FSTL5: variants seen among roughly 807,000 people sequenced by gnomAD.
FSTL5 encodes the protein follistatin like 5.
Under a neutral mutation model 89.1 loss-of-function variants are expected in FSTL5, and 62 were observed. The observed-to-expected ratio is 0.70, with a 90% confidence interval of 0.57 to 0.86. The LOEUF (loss-of-function observed/expected upper bound fraction) is 0.86, where lower values mean the gene tolerates loss of function less well. FSTL5 is among the 40% of genes least tolerant of loss of function. FSTL5 has a pLI of 0.00. For synonymous variants in FSTL5, 383 were observed against 346.2 expected, an observed-to-expected ratio of 1.11 and a Z score of -1.18; for missense variants, 1,057 against 1,001.6, an observed-to-expected ratio of 1.06 and a Z score of -0.75.
At position 161,538,395 on chromosome 4, in the gene FSTL5, C is replaced by T. The variant is rs539267712; in HGVS notation, c.1178-95G>A. ...CAGTCAAACAGTTCTCTTGGCTTGT[C>T]CTAATTAAACTGTTTCCCTTCCTAC... On this transcript the variant is annotated intron_variant, in intron 9 of 15. Coordinates refer to ENST00000306100, the MANE Select transcript of FSTL5 (RefSeq NM_020116.5). The T allele has an allele frequency of 1.2e-5, 16 of 1,328,402 alleles. No homozygotes were observed. The African/African-American group carries it at 2.0e-4, about 17-fold the overall frequency. 82.3% of individuals were successfully genotyped at this position (1,328,402 alleles called of 1,614,324 possible).
chr4:161,457,395 T>C (rs939379836), intron 14 of FSTL5, among the ~76,000 whole-genome samples: 5 of 152,204 alleles, frequency 3.3e-5, no homozygotes, highest in Non-Finnish European at 7.3e-5. Flanking sequence ...GCACAAAATA[T>C]GTTTTATTAG....
At chr4:161,718,502 C>T (rs1739079100) in intron 6 of FSTL5, among the ~76,000 whole-genome samples, 1 of 151,902 alleles carries the variant, frequency 6.6e-6, no homozygotes, top group Non-Finnish European at 1.5e-5. Flanking sequence ...GATCTCAGCT[C>T]ACTGCAACCT....
intron 3 of FSTL5, among the ~76,000 whole-genome samples, chr4:162,000,610 AC>A (rs1452363977): frequency 1.3e-5 from 2 of 151,632 alleles, no homozygotes; most frequent in Non-Finnish European, 2.9e-5. Flanking sequence ...AAAAAAAAAA[AC>A]AAAAACAACA....
At chr4:161,617,601 A>G (rs2126641935) in intron 7 of FSTL5, among the ~76,000 whole-genome samples, 1 of 152,326 alleles carries the variant, frequency 6.6e-6, no homozygotes, top group East Asian at 1.9e-4. Flanking sequence ...AAGGATGAAG[A>G]GAAAATATTT....
chr4:161,653,205 G>T (rs1011802941), intron 7 of FSTL5, among the ~76,000 whole-genome samples: 1 of 152,128 alleles, frequency 6.6e-6, no homozygotes, highest in South Asian at 2.1e-4. Flanking sequence ...CACGCCTGGG[G>T]TCTAAAATGC....
intron 6 of FSTL5, 88 bp downstream of exon 6, chr4:161,759,323 G>A: frequency 8.2e-7 from 1 of 1,220,304 alleles, no homozygotes; most frequent in Non-Finnish European, 1.1e-6. Flanking sequence ...GAAACAGCTT[G>A]TACTATGAGA....
chr4:162,031,864 G>A (rs1324826768), intron 3 of FSTL5, among the ~76,000 whole-genome samples: 1 of 152,124 alleles, frequency 6.6e-6, no homozygotes, highest in East Asian at 1.9e-4. Context: ...CTTGAACCCA[G>A]GAGGCAGAGG....
intron 6 of FSTL5, among the ~76,000 whole-genome samples, chr4:161,726,775 C>CAT (rs1273321924): frequency 2.0e-5 from 3 of 151,692 alleles, no homozygotes; most frequent in South Asian, 2.1e-4. Context: ...TAACTATATA[C>CAT]ATATATATAT....
intron 8 of FSTL5, among the ~76,000 whole-genome samples, chr4:161,549,869 T>A (rs1306211793): frequency 2.0e-5 from 3 of 151,970 alleles, no homozygotes; most frequent in African/African-American, 7.2e-5. Context: ...ACCACTCTTA[T>A]TTTTTAGTGT....
chr4:161,418,636 CTT>C (rs1268381435), intron 15 of FSTL5, among the ~76,000 whole-genome samples: 3 of 152,042 alleles, frequency 2.0e-5, no homozygotes, highest in Non-Finnish European at 2.9e-5. Context: ...TTAAAAGTGT[CTT>C]GGGTTTTTAT....
intron 6 of FSTL5, among the ~76,000 whole-genome samples, chr4:161,757,099 G>C (rs1420975943): frequency 6.6e-6 from 1 of 151,958 alleles, no homozygotes. Context: ...AGTTGGGCCA[G>C]GTTTTTCTAA....
At chr4:161,704,770 A>G (rs1738513720) in intron 6 of FSTL5, among the ~76,000 whole-genome samples, 2 of 152,098 alleles carry the variant, frequency 1.3e-5, no homozygotes, top group East Asian at 1.9e-4. Flanking sequence ...CCTACTTCCT[A>G]GAAGGGACTG....
At chr4:161,908,832 A>G (rs569011072) in intron 4 of FSTL5, among the ~76,000 whole-genome samples, 5 of 152,258 alleles carry the variant, frequency 3.3e-5, no homozygotes, top group African/African-American at 7.2e-5. Context: ...CAGAATTAGT[A>G]ATAAAGTGAT....
intron 6 of FSTL5, among the ~76,000 whole-genome samples, chr4:161,657,672 T>C (rs1344943656): frequency 6.6e-6 from 1 of 152,160 alleles, no homozygotes; most frequent in Non-Finnish European, 1.5e-5. Flanking sequence ...AAGTGAGTTT[T>C]ATAGAATGCA....
chr4:161,654,301 C>A (rs542068537), intron 7 of FSTL5, among the ~76,000 whole-genome samples: 2 of 152,066 alleles, frequency 1.3e-5, no homozygotes, highest in African/African-American at 4.8e-5. Flanking sequence ...TTTCAGACCA[C>A]AGCACCCTCA....
intron 15 of FSTL5, among the ~76,000 whole-genome samples, chr4:161,443,020 G>T (rs1396335631): frequency 6.6e-6 from 1 of 151,998 alleles, no homozygotes; most frequent in South Asian, 2.1e-4. Context: ...AAAAATAATG[G>T]CTCCTGCATT....
At chr4:161,884,803 T>A (rs1385778660) in intron 4 of FSTL5, among the ~76,000 whole-genome samples, 2 of 152,144 alleles carry the variant, frequency 1.3e-5, no homozygotes, top group Admixed American at 6.5e-5. Context: ...TAGCAGACTA[T>A]CCGGCTTTTT....
chr4:162,126,008 A>G (rs1202642001), intron 1 of FSTL5, among the ~76,000 whole-genome samples: 3 of 151,994 alleles, frequency 2.0e-5, no homozygotes, highest in Non-Finnish European at 4.4e-5. Context: ...TATTCAATGT[A>G]TCTTTCTTTT....
In FSTL5 at chr4:161,895,507, G is replaced by A. The variant is rs191622835; in HGVS notation, c.409+24897C>T. Among the ~76,000 whole-genome samples, 38 of 152,176 alleles carry A rather than the reference G, an allele frequency of 2.5e-4. No homozygotes were observed. In the East Asian group the frequency reaches 5.0e-3, roughly 20 times the overall value. On this transcript the variant is annotated intron_variant, in intron 4 of 15. Coordinates refer to ENST00000306100, the MANE Select transcript of FSTL5 (RefSeq NM_020116.5). ...ACTATTTCAATAGGAGGAAAATGAA[G>A]CTGACTTTATACTCAGATTTTTTGG...
Sources: gnomAD v4.1 joint callset for allele counts (sites outside exome capture counted in the v4.1 genomes callset) on GRCh38, gnomAD v4.1.1 for gene constraint, MANE v1.5 for transcripts, NCBI Gene and HGNC (gene_info 2026-07-23, HGNC 2026-07-21) for gene names.